Variants in GPSM1 observed in about 807,000 individuals in gnomAD.
GPSM1 encodes the protein G protein-signaling modulator 1.
Under a neutral mutation model 70.5 loss-of-function variants are expected in GPSM1, and 48 were observed. That is an observed-to-expected ratio of 0.68 (90% confidence interval 0.54 to 0.87). The LOEUF (loss-of-function observed/expected upper bound fraction) is 0.87. Ranked by LOEUF, GPSM1 falls within the 40% of genes least tolerant of loss-of-function variation. GPSM1 has a pLI of 0.00. For missense variants in GPSM1, 981 were observed against 972.6 expected (o/e 1.01, Z -0.11); for synonymous variants, 416 against 430.1 (o/e 0.97, Z 0.41).
rs1554770711 is a variant in GPSM1, at chr9:136,343,608, C to T, written c.1207+2615C>T. ...GTCAGGGATGTGCATGGCATAACCT[C>T]CCCTGCAGTTTAGGCTGTGGGCTCC... On this transcript the variant is annotated intron_variant, in intron 9 of 13. Coordinates refer to ENST00000440944, the MANE Select transcript of GPSM1 (RefSeq NM_001145638.3). The surrounding 1 kb of genome is among the most constrained non-coding windows in gnomAD (Gnocchi z 6.0). Among the ~76,000 whole-genome samples the T allele has an allele frequency of 6.6e-6, 1 of 152,214 alleles. No individual in the cohort carries two copies. Among genetic ancestry groups the T allele is most frequent in the East Asian group, 1.9e-4 (1 of 5,194 alleles).
Position 136,343,093 on chromosome 9 carries a change from C to T in GPSM1, c.1207+2100C>T, listed in dbSNP as rs1316472413. ...CCTCTGCTGGCCCCTCCCCAGCCAG[C>T]AGAGAAGCCCCAGAAGTGTGTCTGG... On this transcript the variant is annotated intron_variant, in intron 9 of 13. Coordinates refer to ENST00000440944, the MANE Select transcript of GPSM1 (RefSeq NM_001145638.3). The surrounding 1 kb of genome is among the most constrained non-coding windows in gnomAD (Gnocchi z 6.0). 6.6e-6 allele frequency among the ~76,000 whole-genome samples: 1 copy of T among 152,136 alleles called. No homozygotes were observed. Among genetic ancestry groups the T allele is most frequent in the Non-Finnish European group, 1.5e-5 (1 of 68,006 alleles).
intron 11 of GPSM1, among the ~76,000 whole-genome samples, chr9:136,350,186 G>C (rs117058934): frequency 0.014 from 2,068 of 152,326 alleles, 20 homozygotes; most frequent in Non-Finnish European, 0.023. Flanking sequence ...TCACAGGAGC[G>C]TGTCCCTGAA....
intron 3 of GPSM1, 23 bp downstream of exon 3, chr9:136,336,124 G>T (rs782295742): frequency 6.2e-7 from 1 of 1,606,470 alleles, no homozygotes; most frequent in African/African-American, 1.3e-5. Context: ...TCCGGGGCTG[G>T]GTGTCTCCCA....
chr9:136,348,694 C>T lies in GPSM1; in HGVS notation c.1208-3C>T. On this transcript the variant is annotated splice_region_variant and splice_polypyrimidine_tract_variant and intron_variant, in intron 9 of 13. Transcript: ENST00000440944. ...TGGGCTGACCGGGTCCCTCTGTCTT[C>T]AGGGGCCAGACCCAAGAGGACGCAG... The T allele has an allele frequency of 1.2e-6, 2 of 1,610,030 alleles. No homozygotes were observed. Among genetic ancestry groups the T allele is most frequent in the Non-Finnish European group, 1.7e-6 (2 of 1,178,328 alleles).
chr9:136,337,767 C>T (rs2131398203), intron 5 of GPSM1, 79 bp from the exon 6 acceptor site: 1 of 1,184,886 alleles, frequency 8.4e-7, no homozygotes. Context: ...GCCACCTGGG[C>T]AGGGAGGCAG....
At position 136,335,353 on chromosome 9, in the gene GPSM1, G is replaced by A. The variant is rs534599892; in HGVS notation, c.291-613G>A. Among the ~76,000 whole-genome samples, 15 of 152,242 alleles carry A rather than the reference G, an allele frequency of 9.9e-5. No individual in the cohort carries two copies. In the East Asian group the frequency reaches 1.4e-3, roughly 14 times the overall value. On this transcript the variant is annotated intron_variant, in intron 2 of 13. Coordinates refer to ENST00000440944, the MANE Select transcript of GPSM1 (RefSeq NM_001145638.3). ...CCAACCTACTCCCCGCCGCCCCTTGGGGTCTTGGGGTCTCCAGTCGGGTCC... is the reference window on the plus strand; with the variant it reads ...CCAACCTACTCCCCGCCGCCCCTTGAGGTCTTGGGGTCTCCAGTCGGGTCC...
At position 136,340,374 on chromosome 9, in the gene GPSM1, C is replaced by T. The variant is rs76649415; in HGVS notation, c.1084-496C>T. Among the ~76,000 whole-genome samples the T allele has an allele frequency of 0.02, 3,010 of 152,060 alleles. 89 individuals are homozygous for T. The highest frequency in any genetic ancestry group is 0.067 in the African/African-American group (2,789 of 41,464). On this transcript the variant is annotated intron_variant, in intron 8 of 13. Coordinates refer to ENST00000440944, the MANE Select transcript of GPSM1 (RefSeq NM_001145638.3). This position sits in a 1 kb window ranked among gnomAD's most constrained non-coding sequence, Gnocchi z 7.3. ...TCACTGGCAGCCAGCAGGCAGCCCC[C>T]GTGTCCCTCTGAGTGCAGGCTACAG...
chr9:136,354,734 T>G, intron 11 of GPSM1: 5 of 769,806 alleles, frequency 6.5e-6, no homozygotes, highest in Non-Finnish European at 7.9e-6. Context: ...CCTCCCTTGT[T>G]TGGGTGTGTG....
At position 136,343,526 on chromosome 9, in the gene GPSM1, C is replaced by T. The variant is rs1400167294; in HGVS notation, c.1207+2533C>T. ...CGGTACACAAGAGTTACTGGGGGAG[C>T]ATGCCACCAGCCTTCCTGGGAGAAG... On this transcript the variant is annotated intron_variant, in intron 9 of 13. Coordinates refer to ENST00000440944, the MANE Select transcript of GPSM1 (RefSeq NM_001145638.3). This position sits in a 1 kb window ranked among gnomAD's most constrained non-coding sequence, Gnocchi z 6.0. Among the ~76,000 whole-genome samples, 1 of 152,162 alleles carries T rather than the reference C, an allele frequency of 6.6e-6. No individual in the cohort carries two copies. The highest frequency in any genetic ancestry group is 1.9e-4 in the East Asian group (1 of 5,196).
intron 11 of GPSM1, chr9:136,354,832 G>A (rs972390560): frequency 2.3e-5 from 23 of 998,092 alleles, no homozygotes; most frequent in South Asian, 2.1e-4. Context: ...GACACAGGGA[G>A]CTCATGGCAG....
chr9:136,335,947 A>T lies in GPSM1; in HGVS notation c.291-19A>T. On this transcript the variant is annotated intron_variant, in intron 2 of 13. Transcript: ENST00000440944. ...TGACCAGTCCTCAGCCTGACCCCTC[A>T]CTCCTCCCTGCCATCCAGGACCATC... 6.2e-7 allele frequency: 1 copy of T among 1,608,988 alleles called. No individual in the cohort carries two copies. The highest frequency in any genetic ancestry group is 1.7e-5 in the Admixed American group (1 of 59,740).
chr9:136,354,923 G>A, intron 11 of GPSM1: 2 of 1,027,728 alleles, frequency 1.9e-6, no homozygotes, highest in Non-Finnish European at 2.3e-6. Context: ...TCCAGGCCAA[G>A]GCTGGGGAGG....
chr9:136,357,919 C>T lies in GPSM1; in HGVS notation c.1822-95C>T, dbSNP rs1050001897. The T allele has an allele frequency of 1.5e-5, 14 of 935,676 alleles. No individual in the cohort carries two copies. In the Admixed American group the frequency reaches 2.1e-4, roughly 14 times the overall value. The allele number at this position is 935,676 out of a possible 1,614,324, so 58.0% of individuals were successfully genotyped here. ...GGGTGGACAGGGGGAAGCCCGTGAA[C>T]AGTGCACGCTGGCCTCTGGAACCAC... is the stretch of plus-strand genomic sequence containing the variant. On this transcript the variant is annotated intron_variant, in intron 13 of 13. Coordinates refer to ENST00000440944, the MANE Select transcript of GPSM1 (RefSeq NM_001145638.3).
intron 1 of GPSM1, among the ~76,000 whole-genome samples, chr9:136,331,041 G>A (rs1368508473): frequency 2.0e-5 from 3 of 152,094 alleles, no homozygotes; most frequent in Non-Finnish European, 4.4e-5. Context: ...CTCAGACCCC[G>A]TGGCCGTCTC....
At position 136,356,402 on chromosome 9, in the gene GPSM1, C is replaced by A. The variant is rs781849860; in HGVS notation, c.1673C>A (p.Ser558Tyr). The A allele has an allele frequency of 5.6e-6, 9 of 1,609,184 alleles. No individual in the cohort carries two copies. The highest frequency in any genetic ancestry group is 2.7e-5 in the African/African-American group (2 of 74,726). ...GAATTCTTCGACCTCATCGCCAGCT[C>A]CCAGAGCCGCCGGCTGGACGACCAG... is the stretch of plus-strand genomic sequence containing the variant. ...TEEFFDLIASSQSRRLDDQRA... is the reference protein window; with the variant it reads ...TEEFFDLIASYQSRRLDDQRA... The change falls in exon 13 of 14, where the codon TCC becomes TAC. Residue 558 changes from serine to tyrosine, a missense_variant. Ser to Tyr is a moderately radical substitution (Grantham distance 144). Coordinates refer to ENST00000440944, the MANE Select transcript of GPSM1 (RefSeq NM_001145638.3).
Position 136,337,549 on chromosome 9 carries a change from G to C in GPSM1, c.687G>C (p.Thr229=). ...HYLLGNFTEA[T]TFHKERLAIA... ...TGTTGGGGAACTTCACAGAGGCCAC[G>C]ACCTTCCACAAGGAGGTGAGCCGGG... Residue 229 remains threonine, a synonymous_variant, in exon 5 of 14, where the codon ACG becomes ACC. Transcript: ENST00000440944. The C allele has an allele frequency of 1.3e-6, 2 of 1,557,552 alleles. No homozygotes were observed. The highest frequency in any genetic ancestry group is 1.7e-6 in the Non-Finnish European group (2 of 1,150,768).
In GPSM1 at chr9:136,344,170, G is replaced by A. The variant is rs557751080; in HGVS notation, c.1207+3177G>A. Among the ~76,000 whole-genome samples, 3 of 149,790 alleles carry A rather than the reference G, an allele frequency of 2.0e-5. 1 individual carries two copies. The highest frequency in any genetic ancestry group is 7.4e-5 in the African/African-American group (3 of 40,496). ...GGGGGAGGTGCGGACAGGATCGGGG[G>A]GAGGCGCGGACAGGAGCGGGGGGAG... is the stretch of plus-strand genomic sequence containing the variant. On this transcript the variant is annotated intron_variant, in intron 9 of 13. Coordinates refer to ENST00000440944, the MANE Select transcript of GPSM1 (RefSeq NM_001145638.3).
In GPSM1 at chr9:136,358,886, A is replaced by G. The variant is rs1465972356; in HGVS notation, c.*666A>G. On this transcript the variant is annotated 3_prime_UTR_variant, in exon 14 of 14. Coordinates refer to ENST00000440944, the MANE Select transcript of GPSM1 (RefSeq NM_001145638.3). The stretch of plus-strand genomic sequence containing the variant: ...CGGGCCTATCTCTAAAGCAGAGGGA[A>G]TGGCTGGGCATGAACTTCGACATTC... 1 of 152,528 alleles carries G rather than the reference A, an allele frequency of 6.6e-6. No homozygotes were observed. Among genetic ancestry groups the G allele is most frequent in the Non-Finnish European group, 1.5e-5 (1 of 68,230 alleles). 9.4% of individuals were successfully genotyped at this position (152,528 alleles called of 1,614,324 possible).
At chr9:136,345,133 G>A (rs965932958) in intron 9 of GPSM1, among the ~76,000 whole-genome samples, 6 of 152,214 alleles carry the variant, frequency 3.9e-5, no homozygotes, top group African/African-American at 7.2e-5. Context: ...CCAAGCCGGC[G>A]GGGCGGGTGC....
Sources: allele counts gnomAD v4.1 joint callset (sites outside exome capture counted in the v4.1 genomes callset), GRCh38; gene constraint gnomAD v4.1.1; non-coding constraint Gnocchi (gnomAD v3.1); transcripts MANE v1.5; gene names NCBI Gene and HGNC (gene_info 2026-07-23, HGNC 2026-07-21).